The following SEMA3E variants were observed in gnomAD, a reference collection of about 807,000 sequenced individuals.
The protein encoded by SEMA3E is semaphorin 3E, also known as semaphorin-3E.
In SEMA3E, 49 loss-of-function variants were observed where a neutral mutation model predicts 93.6. The observed-to-expected ratio is 0.52, with a 90% CI of 0.42 to 0.66. The LOEUF (loss-of-function observed/expected upper bound fraction) is 0.66, where lower values mean the gene tolerates loss of function less well. Ranked by LOEUF, SEMA3E falls within the 30% of genes least tolerant of loss-of-function variation. The pLI is 0.00. For synonymous variants in SEMA3E, 363 were observed against 330.7 expected (o/e 1.10, Z -1.06); for missense variants, 906 against 964.8 (o/e 0.94, Z 0.81).
At chr7:83,437,953 C>A (rs1474581483) in intron 4 of SEMA3E, among the ~76,000 whole-genome samples, 1 of 152,022 alleles carries the variant, frequency 6.6e-6, no homozygotes, top group Non-Finnish European at 1.5e-5. Context: ...TGAAATAAGC[C>A]TAAACAAGCA....
chr7:83,474,095 TAAAAAAA>T (rs11324407), intron 2 of SEMA3E, among the ~76,000 whole-genome samples: 20 of 108,596 alleles, frequency 1.8e-4, no homozygotes, highest in South Asian at 2.9e-4. Flanking sequence ...CTATCTCAAT[TAAAAAAA>T]AAAAAAAAAA....
chr7:83,638,099 A>G (rs1334939687), intron 1 of SEMA3E, among the ~76,000 whole-genome samples: 1 of 152,212 alleles, frequency 6.6e-6, no homozygotes, highest in Non-Finnish European at 1.5e-5. Context: ...AATTTAAGGG[A>G]AAAAACTTTA....
At chr7:83,517,318 A>G (rs1790949580) in intron 1 of SEMA3E, among the ~76,000 whole-genome samples, 1 of 152,176 alleles carries the variant, frequency 6.6e-6, no homozygotes, top group Non-Finnish European at 1.5e-5. Context: ...AAGAGTAAGC[A>G]ATGAAGTACT....
Position 83,648,641 on chromosome 7 carries a change from T to C in SEMA3E, c.-99A>G. On this transcript the variant is annotated 5_prime_UTR_variant, in exon 1 of 17. It removes the in-frame stop codon of an upstream open reading frame in the 5' UTR. Transcript: ENST00000643230. ...CAGGGGCAGCGTGCGAGAGGCTTTG[T>C]CAGAAATCGAACGCGTTGTCATCAG... The C allele has an allele frequency of 2.3e-6, 2 of 869,352 alleles. No individual in the cohort carries two copies. Among genetic ancestry groups the C allele is most frequent in the Non-Finnish European group, 3.8e-6 (2 of 523,306 alleles). The allele number at this position is 869,352 out of a possible 1,614,324, so 53.9% of individuals were successfully genotyped here.
intron 4 of SEMA3E, among the ~76,000 whole-genome samples, chr7:83,454,033 T>C (rs563450993): frequency 6.6e-6 from 1 of 151,228 alleles, no homozygotes; most frequent in East Asian, 2.0e-4. Context: ...CCGAGGCGGG[T>C]GGATCACGAG....
In SEMA3E at chr7:83,367,713, C is replaced by G. The variant is rs1390059630; in HGVS notation, c.2201G>C (p.Cys734Ser). 3 of 1,614,066 alleles carry G rather than the reference C, an allele frequency of 1.9e-6. No individual in the cohort carries two copies. The Admixed American group carries it at 5.0e-5, about 27-fold the overall frequency. Residue 734 changes from cysteine to serine, a missense_variant, in exon 17 of 17, where the codon TGC (cysteine) becomes TCC (serine). Physicochemically the swap from Cys to Ser is moderately radical, Grantham distance 112. Coordinates refer to ENST00000643230, the MANE Select transcript of SEMA3E (RefSeq NM_012431.3). ...AAGCTTTTTCCTCTTTCTATCTGTGCACCATACTTTCTCGCAGTATTCTTC... is the reference window on the plus strand; with the variant it reads ...AAGCTTTTTCCTCTTTCTATCTGTGGACCATACTTTCTCGCAGTATTCTTC... The part of the protein sequence containing the change: ...RVEEYCEKVW[C>S]TDRKRKKLKM...
intron 9 of SEMA3E, 91 bp downstream of exon 9, chr7:83,405,357 AAT>A: frequency 1.1e-6 from 1 of 892,336 alleles, no homozygotes; most frequent in South Asian, 1.4e-5. Flanking sequence ...CAACTGGGTC[AAT>A]AGTCTTTCAA....
At chr7:83,424,962 A>T (rs1788740460) in intron 4 of SEMA3E, 2 of 261,578 alleles carry the variant, frequency 7.6e-6, no homozygotes. Context: ...TCCAGTGACA[A>T]TGTAGCTGAT....
intron 2 of SEMA3E, among the ~76,000 whole-genome samples, chr7:83,479,430 T>C (rs1038727802): frequency 1.8e-4 from 28 of 152,214 alleles, no homozygotes; most frequent in African/African-American, 6.8e-4. Context: ...GTTTTATTCA[T>C]TTTTGCTTAC....
At chr7:83,514,071 C>T (rs1258672487) in intron 1 of SEMA3E, among the ~76,000 whole-genome samples, 2 of 152,078 alleles carry the variant, frequency 1.3e-5, no homozygotes, top group African/African-American at 2.4e-5. Flanking sequence ...AAGATCGCCA[C>T]GAGAGTGACC....
intron 1 of SEMA3E, among the ~76,000 whole-genome samples, chr7:83,627,649 T>TTTTTTTTTTTA (rs1793698543): frequency 8.2e-6 from 1 of 122,674 alleles, no homozygotes; most frequent in Non-Finnish European, 1.9e-5. Context: ...TTTTTTTTTT[T>TTTTTTTTTTTA]TTTGCTTTCC....
At chr7:83,603,083 T>G (rs935679855) in intron 1 of SEMA3E, among the ~76,000 whole-genome samples, 4 of 152,148 alleles carry the variant, frequency 2.6e-5, no homozygotes, top group African/African-American at 9.7e-5. Flanking sequence ...GAAGCTATAT[T>G]GTATAAGGTT....
At chr7:83,568,637 G>A (rs549754633) in intron 1 of SEMA3E, among the ~76,000 whole-genome samples, 1 of 152,206 alleles carries the variant, frequency 6.6e-6, no homozygotes, top group South Asian at 2.1e-4. Flanking sequence ...GCTCATCTCA[G>A]TAGACACAGC....
intron 1 of SEMA3E, among the ~76,000 whole-genome samples, chr7:83,609,624 A>G (rs1793206430): frequency 6.6e-6 from 1 of 152,056 alleles, no homozygotes; most frequent in Non-Finnish European, 1.5e-5. Flanking sequence ...TCCTACCTAA[A>G]CTATATATTG....
chr7:83,638,888 G>C (rs1490038295), intron 1 of SEMA3E, among the ~76,000 whole-genome samples: 1 of 151,566 alleles, frequency 6.6e-6, no homozygotes, highest in Non-Finnish European at 1.5e-5. Flanking sequence ...GAGGCGGGCG[G>C]ATCACGAGGT....
At chr7:83,440,492 T>C (rs1396194670) in intron 4 of SEMA3E, among the ~76,000 whole-genome samples, 1 of 152,232 alleles carries the variant, frequency 6.6e-6, no homozygotes, top group Non-Finnish European at 1.5e-5. Flanking sequence ...AGGATAATTT[T>C]ATCCTCATTT....
chr7:83,557,454 T>A (rs1036917005), intron 1 of SEMA3E, among the ~76,000 whole-genome samples: 1 of 151,928 alleles, frequency 6.6e-6, no homozygotes, highest in African/African-American at 2.4e-5. Context: ...GTAAAACAAC[T>A]AAAATTAATT....
chr7:83,405,481 G>T lies in SEMA3E; in HGVS notation c.967C>A (p.Pro323Thr). ...GTGTTAAAGAGTCCAAATATCACTG[G>T]ATTCTTATGATCTCTGGTAGGTAGC... Reference protein sequence around the residue: ...FLLPTRDHKNPVIFGLFNTTS... With the variant: ...FLLPTRDHKNTVIFGLFNTTS... Residue 323 changes from proline to threonine, a missense_variant, in exon 9 of 17, where the codon CCA (proline) becomes ACA (threonine). Transcript: ENST00000643230. 6.2e-7 allele frequency: 1 copy of T among 1,612,820 alleles called. No individual in the cohort carries two copies. The highest frequency in any genetic ancestry group is 8.5e-7 in the Non-Finnish European group (1 of 1,179,240).
intron 1 of SEMA3E, among the ~76,000 whole-genome samples, chr7:83,625,738 T>A (rs187146855): frequency 6.6e-6 from 1 of 151,648 alleles, no homozygotes; most frequent in Non-Finnish European, 1.5e-5. Flanking sequence ...ACTTCCAATA[T>A]TATGTTAAAT....
Sources: allele counts gnomAD v4.1 joint callset (sites outside exome capture counted in the v4.1 genomes callset), GRCh38; gene constraint gnomAD v4.1.1; transcripts MANE v1.5; gene names NCBI Gene and HGNC (gene_info 2026-07-23, HGNC 2026-07-21).